ABI3BP: variants seen among roughly 807,000 people sequenced by gnomAD.
ABI3BP encodes the protein target of Nesh-SH3.
A neutral mutation model predicts 268.6 loss-of-function variants in ABI3BP; 216 were observed. The ratio of observed to expected loss-of-function variants is 0.80; its 90% CI spans 0.72 to 0.90. ABI3BP has a LOEUF of 0.90. Ranked by LOEUF, ABI3BP falls within the 40% of genes least tolerant of loss-of-function variation. ABI3BP has a pLI of 0.00. For synonymous variants in ABI3BP, 730 were observed against 730.0 expected, an observed-to-expected ratio of 1.00 and a Z score of 0.00; for missense variants, 2,090 against 2,182.4, an observed-to-expected ratio of 0.96 and a Z score of 0.84.
intron 9 of ABI3BP, among the ~76,000 whole-genome samples, chr3:100,870,926 T>C (rs547095396): frequency 2.0e-5 from 3 of 152,108 alleles, no homozygotes; most frequent in African/African-American, 7.2e-5. Flanking sequence ...CTAAATGATA[T>C]AAGCCAAGCA....
intron 1 of ABI3BP, among the ~76,000 whole-genome samples, chr3:100,965,234 A>G (rs1160726921): frequency 6.6e-6 from 1 of 152,172 alleles, no homozygotes; most frequent in Non-Finnish European, 1.5e-5. Context: ...CATGACCCTA[A>G]CTCATCTCAA....
At chr3:100,760,402 G>A (rs1208567189) in intron 63 of ABI3BP, among the ~76,000 whole-genome samples, 4 of 152,186 alleles carry the variant, frequency 2.6e-5, no homozygotes, top group Non-Finnish European at 5.9e-5. Context: ...TGCCCAGCCA[G>A]TTCATTAGGA....
intron 45 of ABI3BP, 98 bp downstream of exon 45, chr3:100,813,563 C>T: frequency 1.1e-6 from 1 of 937,970 alleles, no homozygotes; most frequent in Non-Finnish European, 1.6e-6. Flanking sequence ...AATGTATATT[C>T]CTTTTTCATT....
chr3:100,881,303 C>T (rs1177073879), intron 6 of ABI3BP, among the ~76,000 whole-genome samples: 1 of 152,098 alleles, frequency 6.6e-6, no homozygotes, highest in African/African-American at 2.4e-5. Context: ...TCACATCAAT[C>T]ATTTGATAAT....
chr3:100,989,332 T>C (rs1330709688), intron 1 of ABI3BP, among the ~76,000 whole-genome samples: 1 of 152,150 alleles, frequency 6.6e-6, no homozygotes, highest in African/African-American at 2.4e-5. Context: ...ATAATTTAAT[T>C]AGGTTTTCCA....
intron 1 of ABI3BP, among the ~76,000 whole-genome samples, chr3:100,964,944 A>G (rs570295206): frequency 6.6e-6 from 1 of 152,338 alleles, no homozygotes; most frequent in South Asian, 2.1e-4. Flanking sequence ...GCTAGTTCCT[A>G]TTAAAGTGTA....
rs752912502 is a variant in ABI3BP, at chr3:100,926,360, T to A, written c.201A>T (p.Val67=). The A allele has an allele frequency of 1.2e-6, 2 of 1,613,586 alleles. No homozygotes were observed. Among genetic ancestry groups the A allele is most frequent in the South Asian group, 2.2e-5 (2 of 91,062 alleles). Residue 67 remains valine (V), a synonymous_variant, in exon 2 of 68, where the codon GTA becomes GTT. Transcript: ENST00000471714. The part of the protein sequence containing the change: ...EGLLLGYGSN[V]SPNQYFPLPA... ...GAAGAGGGAAGTACTGGTTTGGTGA[T>A]ACATTGCTGCCATATCCCAGGAGAA...
At chr3:100,895,554 A>T (rs2047289781) in intron 4 of ABI3BP, among the ~76,000 whole-genome samples, 6 of 152,202 alleles carry the variant, frequency 3.9e-5, no homozygotes, top group Admixed American at 3.9e-4. Flanking sequence ...TCATTTTTTT[A>T]AAAAATCAGA....
intron 1 of ABI3BP, among the ~76,000 whole-genome samples, chr3:100,960,960 T>C (rs2078886348): frequency 1.3e-5 from 2 of 152,196 alleles, no homozygotes; most frequent in South Asian, 4.1e-4. Flanking sequence ...GCAGAGAAAC[T>C]AGCAAAGCCC....
intron 2 of ABI3BP, among the ~76,000 whole-genome samples, chr3:100,916,129 CAG>C (rs2058541567): frequency 6.6e-6 from 1 of 152,178 alleles, no homozygotes; most frequent in Non-Finnish European, 1.5e-5. Flanking sequence ...GATTTTGAAG[CAG>C]AGACTGTACA....
At chr3:100,841,181 T>C (rs971083683) in intron 21 of ABI3BP, among the ~76,000 whole-genome samples, 2 of 135,982 alleles carry the variant, frequency 1.5e-5, no homozygotes, top group Non-Finnish European at 3.1e-5. Context: ...TTGGCTAAGA[T>C]GGCATTAGAA....
chr3:100,841,895 G>T (rs1344008058), intron 21 of ABI3BP, 103 bp downstream of exon 21: 4 of 953,994 alleles, frequency 4.2e-6, no homozygotes, highest in African/African-American at 4.8e-5. Flanking sequence ...AACTTCATCT[G>T]GAGAAGAAAA....
Position 100,840,730 on chromosome 3 carries a change from T to C in ABI3BP, c.1804+90A>G, listed in dbSNP as rs547437175. ...ACACACACACACAAAGGGACATTAA[T>C]GTATTAATTCATTAATGTGAGTCTG... On this transcript the variant is annotated intron_variant, in intron 22 of 67. Coordinates refer to ENST00000471714, the MANE Select transcript of ABI3BP (RefSeq NM_001375547.2). 334 of 1,155,202 alleles carry C rather than the reference T, an allele frequency of 2.9e-4. 1 individual carries two copies. The Middle Eastern group carries it at 5.6e-3, about 19-fold the overall frequency. The allele number at this position is 1,155,202 out of a possible 1,614,324, so 71.6% of individuals were successfully genotyped here. A position where few individuals can be genotyped will look rare whatever the true frequency, so the allele number is the denominator to read the frequency against.
chr3:100,773,772 A>G (rs2096622971), intron 61 of ABI3BP, among the ~76,000 whole-genome samples: 1 of 152,258 alleles, frequency 6.6e-6, no homozygotes, highest in African/African-American at 2.4e-5. Context: ...GGAATGGACT[A>G]CTGATATACA....
At chr3:100,966,678 TA>T (rs1466136969) in intron 1 of ABI3BP, among the ~76,000 whole-genome samples, 1 of 152,228 alleles carries the variant, frequency 6.6e-6, no homozygotes, top group Non-Finnish European at 1.5e-5. Context: ...TATAGGAATT[TA>T]AAACATGTAA....
Position 100,789,501 on chromosome 3 carries a change from T to A in ABI3BP, c.4040A>T (p.Tyr1347Phe), listed in dbSNP as rs745850997. ...AKTTQAPHRF[Y>F]TTVRPRTSDK... ...AGATGTTCTGGGCCTCACAGTAGTA[T>A]AAAATCTGTGTGGCGCTGAAACAGA... The change falls in exon 56 of 68, where the codon TAT (tyrosine) becomes TTT (phenylalanine). Residue 1347 changes from tyrosine to phenylalanine, a missense_variant. Coordinates refer to ENST00000471714, the MANE Select transcript of ABI3BP (RefSeq NM_001375547.2). 23 of 1,597,202 alleles carry A rather than the reference T, an allele frequency of 1.4e-5. No individual in the cohort carries two copies. The highest frequency in any genetic ancestry group is 1.9e-5 in the Non-Finnish European group (22 of 1,171,190).
At chr3:100,877,182 C>T (rs925019961) in intron 6 of ABI3BP, among the ~76,000 whole-genome samples, 2 of 152,188 alleles carry the variant, frequency 1.3e-5, no homozygotes, top group African/African-American at 4.8e-5. Context: ...ATTTTCATTA[C>T]ATTTGAGATA....
chr3:100,965,519 A>C (rs78709953), intron 1 of ABI3BP, among the ~76,000 whole-genome samples: 1 of 145,822 alleles, frequency 6.9e-6, no homozygotes, highest in Non-Finnish European at 1.5e-5. Context: ...AAAAAAAAAA[A>C]CAGAGGAAGT....
At chr3:100,912,708 C>G (rs2057192958) in intron 2 of ABI3BP, among the ~76,000 whole-genome samples, 1 of 152,202 alleles carries the variant, frequency 6.6e-6, no homozygotes, top group African/African-American at 2.4e-5. Flanking sequence ...GGCCACAGCT[C>G]CTGTACCGCA....
Sources: allele counts gnomAD v4.1 joint callset (sites outside exome capture counted in the v4.1 genomes callset), GRCh38; gene constraint gnomAD v4.1.1; transcripts MANE v1.5; gene names NCBI Gene and HGNC (gene_info 2026-07-23, HGNC 2026-07-21).